USP53: variants seen among roughly 807,000 people sequenced by gnomAD.
The protein encoded by USP53 is ubiquitin specific peptidase 53.
USP53 carries 71 observed loss-of-function variants against 94.9 expected under a neutral mutation model. That is an observed-to-expected ratio of 0.75 (90% confidence interval 0.62 to 0.91). The LOEUF is 0.91. Ranked by LOEUF, USP53 falls within the 40% of genes least tolerant of loss-of-function variation. The pLI is 0.00. For missense variants in USP53, 1,173 were observed against 1,281.0 expected, an observed-to-expected ratio of 0.92 and a Z score of 1.29; for synonymous variants, 375 against 422.7, an observed-to-expected ratio of 0.89 and a Z score of 1.39.
intron 12 of USP53, among the ~76,000 whole-genome samples, chr4:119,265,670 A>AAACAAC (rs56113456): frequency 0.15 from 22,833 of 150,406 alleles, 1,836 homozygotes; most frequent in Middle Eastern, 0.19. Flanking sequence ...CCTTTTCTCA[A>AAACAAC]AACAACAACA....
At chr4:119,271,056 G>A (rs902831878) in intron 15 of USP53, among the ~76,000 whole-genome samples, 28 of 152,082 alleles carry the variant, frequency 1.8e-4, no homozygotes, top group Non-Finnish European at 5.9e-5. Flanking sequence ...TTTAAAAACT[G>A]CCTCAATTAT....
intron 3 of USP53, among the ~76,000 whole-genome samples, chr4:119,224,443 T>A (rs1306541294): frequency 6.6e-6 from 1 of 152,272 alleles, no homozygotes; most frequent in Non-Finnish European, 1.5e-5. Context: ...CTATCACATT[T>A]TAAACTTGTG....
At chr4:119,278,060 C>G (rs1317716309) in intron 17 of USP53, among the ~76,000 whole-genome samples, 10 of 149,338 alleles carry the variant, frequency 6.7e-5, no homozygotes, top group Admixed American at 2.7e-4. Flanking sequence ...ATCCAATTTG[C>G]CAGTCTGTGT....
intron 7 of USP53, among the ~76,000 whole-genome samples, chr4:119,250,273 G>A (rs1161655098): frequency 1.3e-5 from 2 of 152,052 alleles, no homozygotes; most frequent in South Asian, 2.1e-4. Flanking sequence ...ATTTTGTCAA[G>A]GTTCAGACTA....
At chr4:119,245,257 TA>T in intron 5 of USP53, 79 bp from the exon 6 acceptor site, 1 of 1,378,638 alleles carries the variant, frequency 7.3e-7, no homozygotes, top group South Asian at 1.2e-5. Context: ...TTGCAATTTG[TA>T]AAATATCTAA....
chr4:119,256,637 T>C, intron 9 of USP53, 114 bp downstream of exon 9: 2 of 1,067,804 alleles, frequency 1.9e-6, no homozygotes, highest in Non-Finnish European at 2.8e-6. Context: ...TGTCTGAGGC[T>C]ACCAAGTATG....
chr4:119,256,581 G>A lies in USP53; in HGVS notation c.569+58G>A, dbSNP rs1017340645. 5 of 1,538,124 alleles carry A rather than the reference G, an allele frequency of 3.3e-6. No homozygotes were observed. The East Asian group carries it at 1.1e-4, about 35-fold the overall frequency. ...TATTAATAACATATTTAAGCACATT[G>A]AGCACTTATTTTATAAAATCATAGC... On this transcript the variant is annotated intron_variant, in intron 9 of 18. Coordinates refer to ENST00000692078, the MANE Select transcript of USP53 (RefSeq NM_001371395.1).
intron 17 of USP53, among the ~76,000 whole-genome samples, chr4:119,279,269 A>T (rs1229943625): frequency 9.1e-6 from 1 of 109,370 alleles, no homozygotes; most frequent in African/African-American, 3.7e-5. Flanking sequence ...TGATGTACAG[A>T]TGGGTTTTTG....
intron 17 of USP53, among the ~76,000 whole-genome samples, chr4:119,274,607 T>C (rs1284637929): frequency 1.3e-5 from 2 of 151,220 alleles, no homozygotes. Context: ...TTTGGGTATA[T>C]ACCCAGTAAT....
chr4:119,224,664 G>A (rs79602840), intron 3 of USP53, among the ~76,000 whole-genome samples: 5,043 of 152,304 alleles, frequency 0.033, 120 homozygotes, highest in Non-Finnish European at 0.05. Flanking sequence ...ATCTGCATAA[G>A]AGTGCCCTTG....
In USP53 at chr4:119,271,449, A is replaced by G. The variant is rs12506450; in HGVS notation, c.1589A>G (p.Gln530Arg). 8 of 1,613,674 alleles carry G rather than the reference A, an allele frequency of 5.0e-6. No homozygotes were observed. The Admixed American group carries it at 1.0e-4, about 20-fold the overall frequency. The change falls in exon 16 of 19, where the codon CAA (glutamine) becomes CGA (arginine). Residue 530 changes from glutamine to arginine, a missense_variant. Physicochemically the swap from Gln to Arg is conservative, Grantham distance 43. Coordinates refer to ENST00000692078, the MANE Select transcript of USP53 (RefSeq NM_001371395.1). ...RVVPQSRASA[Q>R]IISSSKSQIL... is the part of the protein sequence containing the mutation. ...GTACCTCAGAGTCGAGCTTCTGCAC[A>G]AATAATAAGTTCAAGTAAATCCCAG...
At chr4:119,281,072 G>T (rs1309357290) in intron 17 of USP53, among the ~76,000 whole-genome samples, 1 of 152,176 alleles carries the variant, frequency 6.6e-6, no homozygotes, top group Non-Finnish European at 1.5e-5. Context: ...GAGCCTTCTG[G>T]AAAAGTTCAA....
chr4:119,220,747 AG>A (rs1191699220), intron 3 of USP53: 3 of 152,244 alleles, frequency 2.0e-5, no homozygotes, highest in African/African-American at 7.2e-5. Context: ...AAAGATGGTA[AG>A]GAAGACACTT....
At position 119,271,612 on chromosome 4, in the gene USP53, G is replaced by A. The variant is rs1264338605; in HGVS notation, c.1752G>A (p.Trp584Ter). 6.2e-7 allele frequency: 1 copy of A among 1,613,646 alleles called. No individual in the cohort carries two copies. The highest frequency in any genetic ancestry group is 1.3e-5 in the African/African-American group (1 of 74,886). ...DSSSKSRNRG[W>*]KPMRETLNVD... ...GCAGTAAAAGCCGGAACCGAGGTTG[G>A]AAACCTATGAGAGAAACATTAAATG... Residue 584 changes from tryptophan (W) to a stop codon, truncating the protein, a stop_gained, in exon 16 of 19, where the codon TGG becomes TGA. Transcript: ENST00000692078. LOFTEE classifies it high-confidence loss of function.
At position 119,244,041 on chromosome 4, in the gene USP53, T is replaced by C. The variant is rs563699825; in HGVS notation, c.145-1296T>C. On this transcript the variant is annotated intron_variant, in intron 5 of 18. Transcript: ENST00000692078. ...CTGAGTCAGTCCAGGATTTGGTAAA[T>C]AGTAAACCCAGAATTAGAAACCAGA... 4.6e-5 allele frequency among the ~76,000 whole-genome samples: 7 copies of C among 152,298 alleles called. No individual in the cohort carries two copies. In the East Asian group the frequency reaches 1.4e-3, roughly 29 times the overall value.
intron 17 of USP53, among the ~76,000 whole-genome samples, chr4:119,284,195 G>A (rs1753830506): frequency 6.6e-6 from 1 of 151,704 alleles, no homozygotes; most frequent in South Asian, 2.1e-4. Flanking sequence ...AGTAAAAGCA[G>A]TGTTTGAGGA....
intron 9 of USP53, among the ~76,000 whole-genome samples, chr4:119,259,079 A>C (rs539972686): frequency 1.6e-4 from 24 of 152,106 alleles, no homozygotes; most frequent in Middle Eastern, 3.4e-3. Context: ...TCAGGAGTTC[A>C]AGACCAGCCT....
rs1157818702 is a variant in USP53 at position 119,260,763 on chromosome 4, A to G, written c.822+110A>G. ...GTTTAATCAAATCAGGCTAACTGGAATGCCTTTACTACATAGACTAGGAAT... is the reference window on the plus strand; with the variant it reads ...GTTTAATCAAATCAGGCTAACTGGAGTGCCTTTACTACATAGACTAGGAAT... On this transcript the variant is annotated intron_variant, in intron 11 of 18. Coordinates refer to ENST00000692078, the MANE Select transcript of USP53 (RefSeq NM_001371395.1). The G allele has an allele frequency of 4.7e-6, 6 of 1,276,344 alleles. No individual in the cohort carries two copies. The Admixed American group carries it at 8.3e-5, about 18-fold the overall frequency. 79.1% of individuals were successfully genotyped at this position (1,276,344 alleles called of 1,614,324 possible).
chr4:119,240,606 C>T (rs1342324132), intron 5 of USP53, among the ~76,000 whole-genome samples: 1 of 152,032 alleles, frequency 6.6e-6, no homozygotes, highest in Non-Finnish European at 1.5e-5. Flanking sequence ...TTAGAATATA[C>T]CTTAAAAGAA....
Sources: gnomAD v4.1 joint callset for allele counts (sites outside exome capture counted in the v4.1 genomes callset) on GRCh38, gnomAD v4.1.1 for gene constraint, MANE v1.5 for transcripts, NCBI Gene and HGNC (gene_info 2026-07-23, HGNC 2026-07-21) for gene names.